Variants in ACAN observed in about 807,000 individuals in gnomAD.
ACAN encodes aggrecan.
In ACAN, 47 loss-of-function variants were observed where a neutral mutation model predicts 169.1. That is an observed-to-expected ratio of 0.28 (90% CI 0.22 to 0.35). The LOEUF (loss-of-function observed/expected upper bound fraction) is 0.35. ACAN is among the 10% of genes least tolerant of loss of function. The pLI, the probability that ACAN is intolerant of heterozygous loss-of-function variation, is 1.00. For missense variants in ACAN, 2,716 were observed against 2,759.9 expected, an observed-to-expected ratio of 0.98 and a Z score of 0.36; for synonymous variants, 1,115 against 1,112.2, an observed-to-expected ratio of 1.00 and a Z score of -0.05.
At position 88,874,818 on chromosome 15, in the gene ACAN, G is replaced by A. The variant is rs1249431001; in HGVS notation, c.*337G>A. The stretch of plus-strand genomic sequence containing the variant: ...GGGAGGGGTTAAGTTAAATAAAGAA[G>A]ATTATTTTTGTTTCCTGACTTTATC... On this transcript the variant is annotated 3_prime_UTR_variant, in exon 19 of 19. Coordinates refer to ENST00000560601, the MANE Select transcript of ACAN (RefSeq NM_001369268.1). This position sits in a 1 kb window ranked among gnomAD's most constrained non-coding sequence, Gnocchi z 7.3. 2.7e-6 allele frequency: 1 copy of A among 377,288 alleles called. No homozygotes were observed. Among genetic ancestry groups the A allele is most frequent in the Admixed American group, 3.7e-5 (1 of 27,156 alleles). The allele number at this position is 377,288 out of a possible 1,614,324, so 23.4% of individuals were successfully genotyped here. A position where few individuals can be genotyped will look rare whatever the true frequency, so the allele number is the denominator to read the frequency against.
rs748322585 is a variant in ACAN at position 88,857,709 on chromosome 15, A to T, written c.5124A>T (p.Gly1708=). 3 of 1,613,868 alleles carry T rather than the reference A, an allele frequency of 1.9e-6. No individual in the cohort carries two copies. Among genetic ancestry groups the T allele is most frequent in the Non-Finnish European group, 2.5e-6 (3 of 1,179,858 alleles). ...TGGACATTAGTGGGAGAGCTAGTGG[A>T]CTCCCTTCAGGAACTGAACTCAGTG... ...SELDISGRAS[G]LPSGTELSGQ... Residue 1708 remains glycine (G), a synonymous_variant, in exon 12 of 19, where the codon GGA becomes GGT. Transcript: ENST00000560601.
Position 88,868,596 on chromosome 15 carries a change from TG to T in ACAN, c.7060+269del, listed in dbSNP as rs1246399981. The stretch of plus-strand genomic sequence containing the variant: ...GATCTACTGATGCCACCACCGAGGT[TG>T]GTGTATGGTTCAGACTAAGAGGACA... On this transcript the variant is annotated intron_variant, in intron 14 of 18. Transcript: ENST00000560601. The surrounding 1 kb of genome is among the most constrained non-coding windows in gnomAD (Gnocchi z 5.2). Among the ~76,000 whole-genome samples, 1 of 152,150 alleles carries T rather than the reference TG, an allele frequency of 6.6e-6. No homozygotes were observed. The highest frequency in any genetic ancestry group is 2.4e-5 in the African/African-American group (1 of 41,422).
At chr15:88,833,226 CACAT>C (rs1341971671) in intron 1 of ACAN, among the ~76,000 whole-genome samples, 3 of 152,192 alleles carry the variant, frequency 2.0e-5, no homozygotes, top group African/African-American at 7.2e-5. Context: ...CTCACACAGA[CACAT>C]AGCCTCAGCT....
chr15:88,829,816 A>G (rs1896315482), intron 1 of ACAN, among the ~76,000 whole-genome samples: 2 of 152,166 alleles, frequency 1.3e-5, no homozygotes, highest in Admixed American at 1.3e-4. Context: ...GTCAAATACC[A>G]TTTTGTGTTA....
intron 13 of ACAN, among the ~76,000 whole-genome samples, chr15:88,867,021 A>G (rs543102535): frequency 5.9e-5 from 9 of 152,288 alleles, no homozygotes; most frequent in African/African-American, 2.2e-4. Context: ...AATTTTACTG[A>G]TCTCCTGGCA....
rs918275857 is a variant in ACAN, at chr15:88,871,298, G to A, written c.7061-84G>A. On this transcript the variant is annotated intron_variant, in intron 14 of 18. Coordinates refer to ENST00000560601, the MANE Select transcript of ACAN (RefSeq NM_001369268.1). The surrounding 1 kb of genome is among the most constrained non-coding windows in gnomAD (Gnocchi z 7.8). The stretch of plus-strand genomic sequence containing the variant: ...CAGCATGGAAGGTGGGGTGAACGCA[G>A]GAACCTATGCCATAAGACTGGCAGC... 3.2e-6 allele frequency: 5 copies of A among 1,580,244 alleles called. No homozygotes were observed. The African/African-American group carries it at 6.7e-5, about 21-fold the overall frequency.
At chr15:88,847,769 G>A in intron 8 of ACAN, 142 bp from the exon 9 acceptor site, 7 of 1,126,362 alleles carry the variant, frequency 6.2e-6, no homozygotes, top group Non-Finnish European at 8.5e-6. Context: ...TGCTGCATAA[G>A]GGGCTTTTTC....
Position 88,843,703 on chromosome 15 carries a change from G to C in ACAN, c.1051+55G>C. ...TTCATGCCACTAAAATGGGGTCCTA[G>C]AGGGAAGAGGGGATCTTGGAAAGGG... On this transcript the variant is annotated intron_variant, in intron 6 of 18. Coordinates refer to ENST00000560601, the MANE Select transcript of ACAN (RefSeq NM_001369268.1). The surrounding 1 kb of genome is among the most constrained non-coding windows in gnomAD (Gnocchi z 4.0). 1 of 1,509,448 alleles carries C rather than the reference G, an allele frequency of 6.6e-7. No individual in the cohort carries two copies. The highest frequency in any genetic ancestry group is 8.9e-7 in the Non-Finnish European group (1 of 1,125,840). 93.5% of individuals were successfully genotyped at this position (1,509,448 alleles called of 1,614,324 possible).
chr15:88,822,524 T>A (rs974349928), intron 1 of ACAN, among the ~76,000 whole-genome samples: 7 of 151,742 alleles, frequency 4.6e-5, no homozygotes, highest in African/African-American at 1.5e-4. Flanking sequence ...TGGAGTGCAA[T>A]GGCGTGATCT....
chr15:88,873,733 C>A lies in ACAN; in HGVS notation c.7448-109C>A. ...GCGCTGCATGAAAACGTCCAGGGCT[C>A]ACTGTCAGATGTTGAGGCTGTGTCC... On this transcript the variant is annotated intron_variant, in intron 17 of 18. Coordinates refer to ENST00000560601, the MANE Select transcript of ACAN (RefSeq NM_001369268.1). This position sits in a 1 kb window ranked among gnomAD's most constrained non-coding sequence, Gnocchi z 7.5. 2 of 1,184,230 alleles carry A rather than the reference C, an allele frequency of 1.7e-6. No homozygotes were observed. Among genetic ancestry groups the A allele is most frequent in the Non-Finnish European group, 2.4e-6 (2 of 841,968 alleles). 73.4% of individuals were successfully genotyped at this position (1,184,230 alleles called of 1,614,324 possible). A position where few individuals can be genotyped will look rare whatever the true frequency, so the allele number is the denominator to read the frequency against.
chr15:88,819,019 G>A (rs1350256350), intron 1 of ACAN, among the ~76,000 whole-genome samples: 1 of 152,206 alleles, frequency 6.6e-6, no homozygotes, highest in Non-Finnish European at 1.5e-5. Flanking sequence ...AACCCTGACT[G>A]GAAGGAACTG....
rs1185468668 is a variant in ACAN at position 88,857,823 on chromosome 15, T to C, written c.5238T>C (p.Ser1746=). 1 of 1,613,850 alleles carries C rather than the reference T, an allele frequency of 6.2e-7. No individual in the cohort carries two copies. The highest frequency in any genetic ancestry group is 2.2e-5 in the East Asian group (1 of 44,882). The part of the protein sequence containing the change: ...SGQPSGFPDT[S]GETSGVTELS... ...AGCCATCAGGGTTTCCTGACACTAG[T>C]GGGGAAACATCTGGAGTGACTGAGC... Residue 1746 remains serine, a synonymous_variant, in exon 12 of 19, where the codon AGT becomes AGC. Transcript: ENST00000560601.
chr15:88,834,426 C>A (rs1306052939), intron 1 of ACAN, among the ~76,000 whole-genome samples: 2 of 152,250 alleles, frequency 1.3e-5, no homozygotes, highest in Non-Finnish European at 2.9e-5. Flanking sequence ...CAACACCCCT[C>A]CTGAGCCTAG....
In ACAN at chr15:88,858,890, A is replaced by C; in HGVS notation, c.6305A>C (p.Glu2102Ala). The C allele has an allele frequency of 6.2e-7, 1 of 1,609,722 alleles. No individual in the cohort carries two copies. Among genetic ancestry groups the C allele is most frequent in the Non-Finnish European group, 8.5e-7 (1 of 1,177,030 alleles). ...EVSSVPESSS[E>A]TSAYPEAGFG... is the part of the protein sequence containing the mutation. The stretch of plus-strand genomic sequence containing the variant: ...TCATCAGTCCCAGAATCTAGCAGTG[A>C]GACGTCCGCCTATCCTGAAGCTGGG... Residue 2102 changes from glutamate (E) to alanine (A), a missense_variant, in exon 12 of 19, where the codon GAG becomes GCG. Coordinates refer to ENST00000560601, the MANE Select transcript of ACAN (RefSeq NM_001369268.1). This position sits in a 1 kb window ranked among gnomAD's most constrained non-coding sequence, Gnocchi z 4.0.
chr15:88,846,398 A>G (rs555664419), intron 7 of ACAN, among the ~76,000 whole-genome samples: 1 of 152,364 alleles, frequency 6.6e-6, no homozygotes, highest in South Asian at 2.1e-4. Flanking sequence ...GTTAGGGGCA[A>G]AAAGTCAAAA....
At chr15:88,809,966 C>A (rs1895777737) in intron 1 of ACAN, among the ~76,000 whole-genome samples, 1 of 152,196 alleles carries the variant, frequency 6.6e-6, no homozygotes, top group African/African-American at 2.4e-5. Context: ...AAGCCACTAG[C>A]CAAAGGGGTG....
chr15:88,809,225 A>G (rs1320076789), intron 1 of ACAN, among the ~76,000 whole-genome samples: 1 of 152,160 alleles, frequency 6.6e-6, no homozygotes, highest in Non-Finnish European at 1.5e-5. Flanking sequence ...CAGGGTTGCC[A>G]TAGTATTCCC....
chr15:88,865,837 G>A (rs2141626520), intron 13 of ACAN, among the ~76,000 whole-genome samples: 1 of 152,340 alleles, frequency 6.6e-6, no homozygotes, highest in Non-Finnish European at 1.5e-5. Flanking sequence ...AGATGAGACA[G>A]CACAGGCCAA....
chr15:88,868,217 C>T lies in ACAN; in HGVS notation c.6948C>T (p.Asp2316=), dbSNP rs1241588954. The T allele has an allele frequency of 2.8e-6, 2 of 702,224 alleles. No individual in the cohort carries two copies. Among genetic ancestry groups the T allele is most frequent in the Non-Finnish European group, 5.2e-6 (2 of 384,682 alleles). 43.5% of individuals were successfully genotyped at this position (702,224 alleles called of 1,614,324 possible). The change falls in exon 14 of 19, where the codon GAC becomes GAT. Residue 2316 remains aspartate, a splice_region_variant and synonymous_variant. Transcript: ENST00000560601. The surrounding 1 kb of genome is among the most constrained non-coding windows in gnomAD (Gnocchi z 5.2). ...ATGGTGGCCCTTGGTTTCTTGCAGACATTGATGAGTGCCTCTCAAGCCCTT... is the reference window on the plus strand; with the variant it reads ...ATGGTGGCCCTTGGTTTCTTGCAGATATTGATGAGTGCCTCTCAAGCCCTT... ...PGYTGEHCNI[D]IDECLSSPCL... is the part of the protein sequence containing the mutation.
Sources: gnomAD v4.1 joint callset for allele counts (sites outside exome capture counted in the v4.1 genomes callset) on GRCh38, gnomAD v4.1.1 for gene constraint, Gnocchi (gnomAD v3.1) non-coding constraint, MANE v1.5 for transcripts, NCBI Gene and HGNC (gene_info 2026-07-23, HGNC 2026-07-21) for gene names.